The following HOOK1 variants were observed in gnomAD, a reference collection of about 807,000 sequenced individuals.
The protein encoded by HOOK1 is protein Hook homolog 1.
HOOK1 carries 60 observed loss-of-function variants against 112.8 expected under a neutral mutation model. The ratio of observed to expected loss-of-function variants is 0.53; its 90% confidence interval spans 0.43 to 0.66. The LOEUF is 0.66. Ranked by LOEUF, HOOK1 falls within the 30% of genes least tolerant of loss-of-function variation. The pLI, the probability that HOOK1 is intolerant of heterozygous loss-of-function variation, is 0.00. For synonymous variants in HOOK1, 294 were observed against 283.8 expected (o/e 1.04, Z -0.36); for missense variants, 770 against 856.0 (o/e 0.90, Z 1.25).
intron 2 of HOOK1, among the ~76,000 whole-genome samples, chr1:59,827,730 T>C (rs909746341): frequency 6.6e-6 from 1 of 152,174 alleles, no homozygotes; most frequent in Admixed American, 6.5e-5. Flanking sequence ...GAAGCCATTT[T>C]TTTTTTTCTT....
chr1:59,846,731 T>C (rs1000027373), intron 9 of HOOK1, among the ~76,000 whole-genome samples: 1 of 151,434 alleles, frequency 6.6e-6, no homozygotes, highest in Non-Finnish European at 1.5e-5. Context: ...TTTGAAACTT[T>C]TTCTAAATTC....
chr1:59,865,848 G>A (rs779042351), intron 18 of HOOK1, 24 bp from the exon 19 acceptor site: 43 of 1,170,076 alleles, frequency 3.7e-5, no homozygotes, highest in Non-Finnish European at 5.0e-5. Context: ...AACTGATTAT[G>A]CTTCATTTTA....
intron 7 of HOOK1, among the ~76,000 whole-genome samples, chr1:59,839,280 A>C (rs995114189): frequency 2.0e-5 from 3 of 152,142 alleles, no homozygotes; most frequent in Non-Finnish European, 2.9e-5. Context: ...TCTATAAATT[A>C]CCTTGGGCAG....
At chr1:59,860,658 C>T (rs529869477) in intron 15 of HOOK1, among the ~76,000 whole-genome samples, 190 of 152,192 alleles carry the variant, frequency 1.2e-3, no homozygotes, top group African/African-American at 4.3e-3. Context: ...GATCTTTGCT[C>T]ATTGTAGCTT....
intron 12 of HOOK1, among the ~76,000 whole-genome samples, 193 bp downstream of exon 12, chr1:59,849,376 T>A (rs1325090085): frequency 6.6e-6 from 1 of 151,516 alleles, no homozygotes; most frequent in Non-Finnish European, 1.5e-5. Flanking sequence ...CAATGTTAGA[T>A]GAAATGGTAG....
At chr1:59,829,448 T>C (rs2102015507) in intron 3 of HOOK1, among the ~76,000 whole-genome samples, 1 of 152,240 alleles carries the variant, frequency 6.6e-6, no homozygotes. Flanking sequence ...TGTATAAGTA[T>C]GTGCTTAACC....
rs891526109 is a variant in HOOK1, at chr1:59,872,908, C to G, written c.2130C>G (p.His710Gln). The stretch of plus-strand genomic sequence containing the variant: ...GGTCTTTCTTAGCGCAGCAACGGCA[C>G]ATCACCAACACCAGAAGAAATCTCT... ...PARSFLAQQR[H>Q]ITNTRRNLSV... The change falls in exon 22 of 22, where the codon CAC becomes CAG. Residue 710 changes from histidine to glutamine, a missense_variant. Coordinates refer to ENST00000371208, the MANE Select transcript of HOOK1 (RefSeq NM_015888.6). The G allele has an allele frequency of 6.6e-7, 1 of 1,524,752 alleles. No individual in the cohort carries two copies. Among genetic ancestry groups the G allele is most frequent in the Non-Finnish European group, 8.9e-7 (1 of 1,128,500 alleles). The allele number at this position is 1,524,752 out of a possible 1,614,324, so 94.5% of individuals were successfully genotyped here. A position where few individuals can be genotyped will look rare whatever the true frequency, so the allele number is the denominator to read the frequency against.
intron 12 of HOOK1, among the ~76,000 whole-genome samples, chr1:59,850,149 T>A (rs1391425747): frequency 1.3e-5 from 2 of 151,768 alleles, no homozygotes; most frequent in South Asian, 4.1e-4. Flanking sequence ...ATGTACTTAT[T>A]AGCCATTTGT....
intron 7 of HOOK1, 102 bp from the exon 8 acceptor site, chr1:59,840,206 A>G (rs755933562): frequency 5.4e-6 from 3 of 557,054 alleles, no homozygotes; most frequent in Middle Eastern, 3.0e-4. Context: ...ATAATTTCCC[A>G]TATCAGTGTA....
intron 7 of HOOK1, among the ~76,000 whole-genome samples, chr1:59,839,017 G>A (rs1176448179): frequency 1.3e-5 from 2 of 152,144 alleles, no homozygotes; most frequent in Non-Finnish European, 2.9e-5. Context: ...TAGATGTGTG[G>A]TGTTATTTCT....
At chr1:59,820,197 G>T (rs796642621) in intron 1 of HOOK1, among the ~76,000 whole-genome samples, 8 of 152,144 alleles carry the variant, frequency 5.3e-5, no homozygotes, top group African/African-American at 1.9e-4. Flanking sequence ...TTGTTTCTAG[G>T]CCCTATACTT....
In HOOK1 at chr1:59,855,966, T is replaced by TATATATA. The variant is rs1553464155; in HGVS notation, c.1243-2462_1243-2461insATATATA. The stretch of plus-strand genomic sequence containing the variant: ...TTTATATATATATATATATAAATTA[T>TATATATA]TATATATATATATATATATTTTTTT... On this transcript the variant is annotated intron_variant, in intron 12 of 21. Transcript: ENST00000371208. Among the ~76,000 whole-genome samples the TATATATA allele has an allele frequency of 4.9e-4, 35 of 71,242 alleles. 1 individual carries two copies. Among genetic ancestry groups the TATATATA allele is most frequent in the African/African-American group, 1.9e-3 (28 of 15,054 alleles). 46.7% of individuals were successfully genotyped at this position (71,242 alleles called of 152,430 possible).
chr1:59,842,897 G>A (rs2098401735), intron 8 of HOOK1, among the ~76,000 whole-genome samples: 1 of 152,028 alleles, frequency 6.6e-6, no homozygotes, highest in African/African-American at 2.4e-5. Flanking sequence ...TAAATCATAA[G>A]CAAATAGTTT....
At chr1:59,837,473 T>C (rs1413531431) in intron 7 of HOOK1, among the ~76,000 whole-genome samples, 1 of 152,146 alleles carries the variant, frequency 6.6e-6, no homozygotes, top group Admixed American at 6.6e-5. Flanking sequence ...TTTATGAGTG[T>C]CGCCAGTCAT....
chr1:59,866,959 T>C (rs1643977806), intron 19 of HOOK1, among the ~76,000 whole-genome samples: 1 of 152,206 alleles, frequency 6.6e-6, no homozygotes, highest in Non-Finnish European at 1.5e-5. Context: ...TATTGGGTCA[T>C]AGGATAAGAC....
chr1:59,854,649 T>G lies in HOOK1; in HGVS notation c.1243-3779T>G, dbSNP rs2098409558. On this transcript the variant is annotated intron_variant, in intron 12 of 21. Coordinates refer to ENST00000371208, the MANE Select transcript of HOOK1 (RefSeq NM_015888.6). The stretch of plus-strand genomic sequence containing the variant: ...ATGGCCTCCATTATTTGATGAGAAA[T>G]CTGCTGTTAATCTTATTAAGGCTCC... Among the ~76,000 whole-genome samples the G allele has an allele frequency of 2.6e-5, 4 of 152,310 alleles. No individual in the cohort carries two copies. The South Asian group carries it at 8.3e-4, about 32-fold the overall frequency.
chr1:59,818,487 C>A (rs1377445372), intron 1 of HOOK1, among the ~76,000 whole-genome samples: 1 of 152,036 alleles, frequency 6.6e-6, no homozygotes, highest in Non-Finnish European at 1.5e-5. Flanking sequence ...AAATTCAGGG[C>A]AAAAGGGTAA....
intron 12 of HOOK1, among the ~76,000 whole-genome samples, chr1:59,854,005 T>A (rs1434185956): frequency 1.0e-4 from 1 of 9,664 alleles, no homozygotes; most frequent in Admixed American, 1.4e-3. Context: ...ATCTTAAATA[T>A]ATATATATAT....
At chr1:59,849,476 G>C (rs1177016995) in intron 12 of HOOK1, among the ~76,000 whole-genome samples, 1 of 151,476 alleles carries the variant, frequency 6.6e-6, no homozygotes, top group Non-Finnish European at 1.5e-5. Context: ...TTTTGCGATG[G>C]CTTTATTAAG....
Sources: allele counts gnomAD v4.1 joint callset (sites outside exome capture counted in the v4.1 genomes callset), GRCh38; gene constraint gnomAD v4.1.1; transcripts MANE v1.5; gene names NCBI Gene and HGNC (gene_info 2026-07-23, HGNC 2026-07-21).